CCNQ: variants seen among roughly 807,000 people sequenced by gnomAD.
CCNQ encodes the protein cyclin-Q.
Under a neutral mutation model 17.7 loss-of-function variants are expected in CCNQ, and 3 were observed. The observed-to-expected ratio is 0.17, with a 90% confidence interval of 0.08 to 0.44. CCNQ has a LOEUF of 0.44. Among genes scored for constraint, CCNQ ranks in the 20% least tolerant of loss-of-function variants. The pLI is 0.99. For missense variants in CCNQ, 146 were observed against 222.6 expected (o/e 0.66, Z 2.19); for synonymous variants, 73 against 96.0 (o/e 0.76, Z 1.40).
intron 4 of CCNQ, among the ~76,000 whole-genome samples, chrX:153,590,749 C>G (rs140933089): frequency 0.021 from 2,379 of 112,191 alleles, 17 homozygotes; most frequent in Non-Finnish European, 0.03. Flanking sequence ...AGAAGAGACA[C>G]AGACCCAAGT....
chrX:153,589,099 C>T (rs1369931735), intron 4 of CCNQ, among the ~76,000 whole-genome samples: 2 of 112,827 alleles, frequency 1.8e-5, no homozygotes, highest in African/African-American at 3.2e-5. Context: ...AATCCTGCCC[C>T]GTGTGAGCGT....
In CCNQ at chrX:153,588,322, C is replaced by T. The variant is rs1557025021; in HGVS notation, c.*43G>A. 4.5e-6 allele frequency: 5 copies of T among 1,104,778 alleles called. No homozygotes were observed. Among genetic ancestry groups the T allele is most frequent in the Middle Eastern group, 2.5e-4 (1 of 3,963 alleles). The allele number at this position is 1,104,778 out of a possible 1,213,427, so 91.0% of individuals were successfully genotyped here. On this transcript the variant is annotated 3_prime_UTR_variant, in exon 5 of 5. Coordinates refer to ENST00000576892, the MANE Select transcript of CCNQ (RefSeq NM_152274.5). ...CGTGGTGACAATGTCCCCAGGCAGCCGACCATCCTGGGCTTCTCTTTGGGC... is the reference window on the plus strand; with the variant it reads ...CGTGGTGACAATGTCCCCAGGCAGCTGACCATCCTGGGCTTCTCTTTGGGC...
rs1557024858 is a variant in CCNQ at position 153,588,060 on chromosome X, C to G, written c.*305G>C. 3 of 430,097 alleles carry G rather than the reference C, an allele frequency of 7.0e-6. No homozygotes were observed. In the African/African-American group the frequency reaches 7.4e-5, roughly 11 times the overall value. The allele number at this position is 430,097 out of a possible 1,213,427, so 35.4% of individuals were successfully genotyped here. On this transcript the variant is annotated 3_prime_UTR_variant, in exon 5 of 5. Transcript: ENST00000576892. ...TTCATGACTTTCCTTTCATTGATGT[C>G]ATGCCTGTATTGTAGTCAAAGTCCT...
Position 153,592,958 on chromosome X carries a change from C to T in CCNQ, c.430-225G>A, listed in dbSNP as rs958543549. ...AGCCCTCTGCCTGAAACCAGCTCACCGTATGCACCTGCCCACTCTCACCCT... is the reference window on the plus strand; with the variant it reads ...AGCCCTCTGCCTGAAACCAGCTCACTGTATGCACCTGCCCACTCTCACCCT... On this transcript the variant is annotated intron_variant, in intron 3 of 4. Transcript: ENST00000576892. Among the ~76,000 whole-genome samples the T allele has an allele frequency of 3.6e-5, 4 of 111,712 alleles. No homozygotes were observed. The East Asian group carries it at 8.5e-4, about 24-fold the overall frequency.
chrX:153,596,614 A>G (rs782773200), intron 1 of CCNQ, among the ~76,000 whole-genome samples: 8 of 112,791 alleles, frequency 7.1e-5, no homozygotes, highest in Admixed American at 2.8e-4. Flanking sequence ...GCTAGCTAGA[A>G]GTCGCCCACC....
intron 1 of CCNQ, among the ~76,000 whole-genome samples, chrX:153,596,838 T>C (rs887102679): frequency 1.2e-4 from 13 of 112,208 alleles, no homozygotes; most frequent in African/African-American, 3.6e-4. Flanking sequence ...CACCAGCACA[T>C]TGAAAAGTGG....
At position 153,594,689 on chromosome X, in the gene CCNQ, G is replaced by A; in HGVS notation, c.297-10C>T. 8.3e-7 allele frequency: 1 copy of A among 1,211,697 alleles called. No individual in the cohort carries two copies. The highest frequency in any genetic ancestry group is 1.1e-6 in the Non-Finnish European group (1 of 895,349). ...GCTTGGGTTAAAGTACCTGCGCAGA[G>A]AAATGGCAATGCTTCAGCAGCCAGG... On this transcript the variant is annotated splice_polypyrimidine_tract_variant and intron_variant, in intron 2 of 4. Transcript: ENST00000576892.
chrX:153,595,383 G>A (rs1379521131), intron 2 of CCNQ, among the ~76,000 whole-genome samples: 1 of 113,927 alleles, frequency 8.8e-6, no homozygotes, highest in African/African-American at 3.2e-5. Context: ...CTCCCAAAGT[G>A]CTGGGATCAC....
intron 1 of CCNQ, among the ~76,000 whole-genome samples, chrX:153,597,241 G>A (rs1462627225): frequency 8.9e-6 from 1 of 112,322 alleles, no homozygotes; most frequent in Non-Finnish European, 1.9e-5. Context: ...TGCCTAAGAA[G>A]GTAGATCAGT....
intron 4 of CCNQ, among the ~76,000 whole-genome samples, chrX:153,589,418 CCGCCCTGTG>C (rs1335270380): frequency 6.2e-5 from 7 of 113,160 alleles, no homozygotes; most frequent in Non-Finnish European, 1.3e-4. Context: ...CTCCTGGAGC[CCGCCCTGTG>C]CGCCCTGAGC....
chrX:153,593,270 G>A (rs1014542406), intron 3 of CCNQ, among the ~76,000 whole-genome samples: 20 of 112,394 alleles, frequency 1.8e-4, no homozygotes, highest in African/African-American at 6.1e-4. Flanking sequence ...CAGATGCTGC[G>A]AGCTCTCTGG....
intron 4 of CCNQ, among the ~76,000 whole-genome samples, chrX:153,589,149 A>G (rs1557025201): frequency 8.9e-6 from 1 of 112,710 alleles, no homozygotes; most frequent in African/African-American, 3.2e-5. Flanking sequence ...TGCTAACCAC[A>G]TCATTTATGG....
rs2091014953 is a variant in CCNQ, at chrX:153,594,618, T to C, written c.358A>G (p.Ser120Gly). 1.7e-6 allele frequency: 2 copies of C among 1,210,134 alleles called. No individual in the cohort carries two copies. The highest frequency in any genetic ancestry group is 2.2e-5 in the Admixed American group (1 of 45,873). ...LDSRFWELRDSIVQCELLMLR... is the reference protein window; with the variant it reads ...LDSRFWELRDGIVQCELLMLR... ...ATGAGAAGCTCACACTGCACGATGC[T>C]GTCCCGGAGTTCCCAGAAGCGGGAG... Residue 120 changes from serine (S) to glycine (G), a missense_variant, in exon 3 of 5, where the codon AGC becomes GGC. Coordinates refer to ENST00000576892, the MANE Select transcript of CCNQ (RefSeq NM_152274.5).
At chrX:153,595,681 T>A (rs1569536920) in intron 2 of CCNQ, among the ~76,000 whole-genome samples, 1 of 112,299 alleles carries the variant, frequency 8.9e-6, no homozygotes, top group Non-Finnish European at 1.9e-5. Context: ...CCTGCAGCCA[T>A]CCCTGTCTAA....
At chrX:153,595,221 G>A (rs2091019226) in intron 2 of CCNQ, among the ~76,000 whole-genome samples, 1 of 113,290 alleles carries the variant, frequency 8.8e-6, no homozygotes, top group Non-Finnish European at 1.9e-5. Flanking sequence ...GGGCTCAAGC[G>A]ATCCTCCCGC....
At chrX:153,595,911 T>C (rs782752572) in intron 2 of CCNQ, 93 bp downstream of exon 2, 71 of 1,049,452 alleles carry the variant, frequency 6.8e-5, no homozygotes, top group Non-Finnish European at 8.7e-5. Flanking sequence ...CCAAGCTCCA[T>C]TGCTGGCACC....
At chrX:153,593,920 C>T (rs1420789258) in intron 3 of CCNQ, among the ~76,000 whole-genome samples, 3 of 112,512 alleles carry the variant, frequency 2.7e-5, no homozygotes, top group Non-Finnish European at 5.6e-5. Context: ...GAGCCCCAAA[C>T]CACAACTCCT....
At chrX:153,597,080 T>C (rs1195682086) in intron 1 of CCNQ, among the ~76,000 whole-genome samples, 1 of 112,225 alleles carries the variant, frequency 8.9e-6, no homozygotes, top group East Asian at 2.8e-4. Flanking sequence ...CCTGAATGGC[T>C]CCTAAGAAAA....
intron 2 of CCNQ, 82 bp from the exon 3 acceptor site, chrX:153,594,761 T>C (rs1442490663): frequency 1.2e-5 from 12 of 1,025,859 alleles, no homozygotes; most frequent in Admixed American, 2.2e-5. Context: ...AGTCACACAA[T>C]GTCCAGATGC....
Sources: allele counts gnomAD v4.1 joint callset (sites outside exome capture counted in the v4.1 genomes callset), GRCh38; gene constraint gnomAD v4.1.1; transcripts MANE v1.5; gene names NCBI Gene and HGNC (gene_info 2026-07-23, HGNC 2026-07-21).